C20orf203: variants seen among roughly 807,000 people sequenced by gnomAD.
C20orf203 encodes the protein chromosome 20 open reading frame 203.
In C20orf203, 16 loss-of-function variants were observed where a neutral mutation model predicts 15.9. The ratio of observed to expected loss-of-function variants is 1.01; its 90% CI spans 0.68 to 1.53. The LOEUF is 1.53. Ranked by LOEUF, C20orf203 falls within the 40% of genes most tolerant of loss-of-function variation. The pLI, the probability that C20orf203 is intolerant of heterozygous loss-of-function variation, is 0.00. For missense variants in C20orf203, 263 were observed against 247.5 expected (o/e 1.06, Z -0.42); for synonymous variants, 98 against 97.2 (o/e 1.01, Z -0.05).
At position 32,633,002 on chromosome 20, in the gene C20orf203, A is replaced by C. The variant is rs924127381; in HGVS notation, c.*2568T>G. ...TACTGAGCAAAGGGGGAAGCTGCTT[A>C]TAAAACCATCAGATCTCGTGAGAAC... On this transcript the variant is annotated 3_prime_UTR_variant, in exon 6 of 6. Transcript: ENST00000608990. 1 of 152,262 alleles carries C rather than the reference A, an allele frequency of 6.6e-6. No individual in the cohort carries two copies. Among genetic ancestry groups the C allele is most frequent in the Admixed American group, 6.5e-5 (1 of 15,288 alleles). The allele number at this position is 152,262 out of a possible 1,614,324, so 9.4% of individuals were successfully genotyped here.
rs572001277 is a variant in C20orf203, at chr20:32,662,190, G to C, written c.-263-10209C>G. Among the ~76,000 whole-genome samples the C allele has an allele frequency of 4.5e-4, 68 of 152,350 alleles. 2 individuals are homozygous for C. Among genetic ancestry groups the C allele is most frequent in the African/African-American group, 1.6e-3 (66 of 41,582 alleles). ...AAACTCTTTTCCTAAGCTTCCCCTGGTGGTATGGGGGTTTAGTCTTTGTTT... is the reference window on the plus strand; with the variant it reads ...AAACTCTTTTCCTAAGCTTCCCCTGCTGGTATGGGGGTTTAGTCTTTGTTT... On this transcript the variant is annotated intron_variant, in intron 1 of 5. Transcript: ENST00000608990.
At chr20:32,646,244 G>A (rs918183161) in intron 4 of C20orf203, among the ~76,000 whole-genome samples, 7 of 142,862 alleles carry the variant, frequency 4.9e-5, no homozygotes, top group Non-Finnish European at 9.0e-5. Context: ...AGTCTCGCTC[G>A]ATTTTTTGAG....
intron 4 of C20orf203, among the ~76,000 whole-genome samples, chr20:32,645,677 T>G (rs930727213): frequency 1.2e-4 from 19 of 152,322 alleles, no homozygotes; most frequent in African/African-American, 4.3e-4. Context: ...CTTCAAGCCC[T>G]CCGAGCTTTT....
At chr20:32,668,301 C>G (rs1423916158) in intron 1 of C20orf203, among the ~76,000 whole-genome samples, 1 of 152,062 alleles carries the variant, frequency 6.6e-6, no homozygotes, top group African/African-American at 2.4e-5. Context: ...CACAGCAAAC[C>G]TGAAGCACAG....
chr20:32,667,070 A>G (rs1194622581), intron 1 of C20orf203, among the ~76,000 whole-genome samples: 1 of 151,686 alleles, frequency 6.6e-6, no homozygotes, highest in African/African-American at 2.4e-5. Context: ...TCTGGTGTGT[A>G]TTTTATAGAC....
intron 1 of C20orf203, chr20:32,657,634 C>A (rs554533436): frequency 6.6e-6 from 1 of 151,848 alleles, no homozygotes; most frequent in Non-Finnish European, 1.5e-5. Context: ...AGATATACCA[C>A]CAAGTCAAAA....
In C20orf203 at chr20:32,650,360, G is replaced by A. The variant is rs1435353873; in HGVS notation, c.*72C>T. On this transcript the variant is annotated 3_prime_UTR_variant, in exon 4 of 6. Transcript: ENST00000608990. The stretch of plus-strand genomic sequence containing the variant: ...ATGATTGTGGGGGGTGGTAACAGGG[G>A]ACACCCTGAGGTGGTGGTGGCCTTG... 5.5e-6 allele frequency: 6 copies of A among 1,095,268 alleles called. No individual in the cohort carries two copies. The East Asian group carries it at 1.0e-4, about 19-fold the overall frequency. 67.8% of individuals were successfully genotyped at this position (1,095,268 alleles called of 1,614,324 possible).
At position 32,632,604 on chromosome 20, in the gene C20orf203, C is replaced by T. The variant is rs2145656700; in HGVS notation, c.*2966G>A. 2 of 152,298 alleles carry T rather than the reference C, an allele frequency of 1.3e-5. No individual in the cohort carries two copies. Among genetic ancestry groups the T allele is most frequent in the South Asian group, 4.1e-4 (2 of 4,822 alleles). 9.4% of individuals were successfully genotyped at this position (152,298 alleles called of 1,614,324 possible). On this transcript the variant is annotated 3_prime_UTR_variant, in exon 6 of 6. Coordinates refer to ENST00000608990, the MANE Select transcript of C20orf203 (RefSeq NM_182584.4). ...CACAAAAAAAACATGTATCTCAGAG[C>T]TTCTTCCACAGCAGTACACGGGACC...
intron 1 of C20orf203, among the ~76,000 whole-genome samples, chr20:32,672,338 C>CA (rs1421428807): frequency 2.0e-5 from 3 of 150,646 alleles, no homozygotes. Context: ...GACTCTGTCT[C>CA]AAAAAAATAA....
intron 1 of C20orf203, among the ~76,000 whole-genome samples, chr20:32,656,393 C>T (rs755942498): frequency 1.3e-5 from 2 of 152,154 alleles, no homozygotes; most frequent in African/African-American, 2.4e-5. Flanking sequence ...CAGATAATAA[C>T]AAGTGTTGAT....
At chr20:32,666,794 A>ATATATATAT (rs1983040119) in intron 1 of C20orf203, among the ~76,000 whole-genome samples, 1 of 39,396 alleles carries the variant, frequency 2.5e-5, no homozygotes. Context: ...AATTAATTTT[A>ATATATATAT]ATTTATATAT....
At chr20:32,638,875 T>C (rs1052399236) in intron 5 of C20orf203, among the ~76,000 whole-genome samples, 1 of 151,208 alleles carries the variant, frequency 6.6e-6, no homozygotes, top group African/African-American at 2.4e-5. Flanking sequence ...CTCCCGGCAA[T>C]GTCGGCCTGA....
chr20:32,648,784 T>A (rs934074529), intron 4 of C20orf203, among the ~76,000 whole-genome samples: 2 of 152,076 alleles, frequency 1.3e-5, no homozygotes, highest in Non-Finnish European at 2.9e-5. Flanking sequence ...ACTTAGAAAT[T>A]ATTTTGCAAC....
Position 32,633,911 on chromosome 20 carries a change from A to G in C20orf203, c.*1659T>C. The G allele has an allele frequency of 5.0e-6, 2 of 397,710 alleles. No individual in the cohort carries two copies. Among genetic ancestry groups the G allele is most frequent in the Non-Finnish European group, 8.8e-6 (2 of 225,990 alleles). 24.6% of individuals were successfully genotyped at this position (397,710 alleles called of 1,614,324 possible). On this transcript the variant is annotated 3_prime_UTR_variant, in exon 6 of 6. Transcript: ENST00000608990. Reference sequence around the variant, plus strand: ...TGAACCTTCCACCCCGTCCGCCTGGACTGGATGCTTCTCCCGGATCCTGAT... The same window carrying G: ...TGAACCTTCCACCCCGTCCGCCTGGGCTGGATGCTTCTCCCGGATCCTGAT...
At chr20:32,666,155 T>TAAAAAAAAAAAAAAAAAAAAAAAAG (rs147487671) in intron 1 of C20orf203, among the ~76,000 whole-genome samples, 1 of 102,776 alleles carries the variant, frequency 9.7e-6, no homozygotes, top group Non-Finnish European at 1.9e-5. Context: ...ATAAATAAAG[T>TAAAAAAAAAAAAAAAAAAAAAAAAG]AAAAAAAAAA....
intron 1 of C20orf203, among the ~76,000 whole-genome samples, chr20:32,669,430 G>T (rs1983110929): frequency 6.6e-6 from 1 of 152,170 alleles, no homozygotes; most frequent in Admixed American, 6.5e-5. Context: ...CACATCCTGG[G>T]TTTTAAAATA....
chr20:32,640,944 T>C (rs1982264255), intron 4 of C20orf203, among the ~76,000 whole-genome samples: 1 of 152,180 alleles, frequency 6.6e-6, no homozygotes, highest in African/African-American at 2.4e-5. Context: ...TCAAGCTTCA[T>C]CCGTATTGTA....
intron 1 of C20orf203, among the ~76,000 whole-genome samples, chr20:32,661,005 T>C (rs780009262): frequency 1.3e-5 from 2 of 152,156 alleles, no homozygotes; most frequent in South Asian, 2.1e-4. Context: ...GTGGGGATTA[T>C]GGAAACTATA....
At chr20:32,650,936 C>T in intron 3 of C20orf203, 55 bp from the exon 4 acceptor site, 8 of 1,443,876 alleles carry the variant, frequency 5.5e-6, no homozygotes, top group Non-Finnish European at 7.3e-6. Context: ...CTGAGACTCG[C>T]AAGGGGCTTT....
Sources: gnomAD v4.1 joint callset for allele counts (sites outside exome capture counted in the v4.1 genomes callset) on GRCh38, gnomAD v4.1.1 for gene constraint, MANE v1.5 for transcripts, NCBI Gene and HGNC (gene_info 2026-07-23, HGNC 2026-07-21) for gene names.